Variants in AOPEP observed in about 807,000 individuals in gnomAD.
AOPEP encodes the protein aminopeptidase O.
In AOPEP, 77 loss-of-function variants were observed where a neutral mutation model predicts 98.1. That is an observed-to-expected ratio of 0.78 (90% CI 0.65 to 0.95). AOPEP has a LOEUF of 0.95. Ranked by LOEUF, AOPEP falls within the 40% of genes least tolerant of loss-of-function variation. The pLI is 0.00. For synonymous variants in AOPEP, 346 were observed against 365.3 expected, an observed-to-expected ratio of 0.95 and a Z score of 0.60; for missense variants, 1,024 against 1,024.7, an observed-to-expected ratio of 1.00 and a Z score of 0.01.
chr9:94,749,458 G>T (rs1029814984), intron 1 of AOPEP, among the ~76,000 whole-genome samples: 1 of 152,146 alleles, frequency 6.6e-6, no homozygotes, highest in South Asian at 2.1e-4. Context: ...TGCCAGTTGT[G>T]CTCACTGCTT....
intron 13 of AOPEP, among the ~76,000 whole-genome samples, chr9:95,018,486 C>G (rs1303678443): frequency 1.3e-5 from 2 of 152,204 alleles, no homozygotes; most frequent in Non-Finnish European, 2.9e-5. Context: ...CCGAGATTCC[C>G]AAATGAGTCA....
chr9:94,788,579 G>A (rs2133351399), intron 3 of AOPEP, among the ~76,000 whole-genome samples: 1 of 151,944 alleles, frequency 6.6e-6, no homozygotes, highest in African/African-American at 2.4e-5. Context: ...TTGCATGCAA[G>A]CATTCAGGAG....
intron 16 of AOPEP, chr9:95,083,050 G>C (rs2070029470): frequency 4.2e-6 from 1 of 239,652 alleles, no homozygotes; most frequent in Non-Finnish European, 8.1e-6. Flanking sequence ...TCTTGAGTAG[G>C]TTTAGAGATG....
chr9:94,772,922 C>G (rs1330488111), intron 2 of AOPEP, 80 bp from the exon 3 acceptor site: 2 of 1,321,948 alleles, frequency 1.5e-6, no homozygotes, highest in Non-Finnish European at 2.1e-6. Context: ...TCAACTTAAC[C>G]TGCACTACCA....
rs888721763 is a variant in AOPEP, at chr9:95,084,434, C to T, written c.*4+1715C>T. On this transcript the variant is annotated intron_variant, in intron 16 of 16. Transcript: ENST00000375315. ...AGCGAAACGCCTGCTGCAGACTTGA[C>T]GCGGCTCCCCTCCAGGACGGGCTGG... 4.6e-5 allele frequency among the ~76,000 whole-genome samples: 7 copies of T among 152,342 alleles called. 1 individual carries two copies. The highest frequency in any genetic ancestry group is 4.4e-5 in the Non-Finnish European group (3 of 68,026).
At chr9:94,901,042 A>C (rs1462196839) in intron 5 of AOPEP, 1 of 152,128 alleles carries the variant, frequency 6.6e-6, no homozygotes, top group Admixed American at 6.5e-5. Context: ...GGTGGTTGCC[A>C]TTTGGCTTTT....
At chr9:94,873,614 T>G (rs2046588348) in intron 5 of AOPEP, among the ~76,000 whole-genome samples, 2 of 152,240 alleles carry the variant, frequency 1.3e-5, no homozygotes, top group Admixed American at 1.3e-4. Context: ...TCTGGTTTAT[T>G]CATGAGAAAT....
intron 3 of AOPEP, among the ~76,000 whole-genome samples, chr9:94,792,520 C>T (rs1000178992): frequency 4.6e-5 from 7 of 152,100 alleles, no homozygotes; most frequent in Non-Finnish European, 8.8e-5. Flanking sequence ...ACCACCCTCA[C>T]GTGAAGGGCT....
chr9:95,062,250 G>A (rs2067377663), intron 14 of AOPEP, among the ~76,000 whole-genome samples: 2 of 54,672 alleles, frequency 3.7e-5, no homozygotes, highest in African/African-American at 7.2e-5. Context: ...GGCTAACGGG[G>A]CAGATCTCTA....
Position 95,086,317 on chromosome 9 carries a change from G to A in AOPEP, c.*5-365G>A, listed in dbSNP as rs985477292. 6 of 985,348 alleles carry A rather than the reference G, an allele frequency of 6.1e-6. No individual in the cohort carries two copies. The African/African-American group carries it at 1.0e-4, about 17-fold the overall frequency. 61.0% of individuals were successfully genotyped at this position (985,348 alleles called of 1,614,324 possible). The stretch of plus-strand genomic sequence containing the variant: ...CCCAGGCCTGAAGGCAGGACACAGT[G>A]CCAGCAGGGGGCCGTTTGCCCCCAT... On this transcript the variant is annotated intron_variant, in intron 16 of 16. Transcript: ENST00000375315.
chr9:94,967,658 G>A, intron 9 of AOPEP, 100 bp from the exon 10 acceptor site: 2 of 902,386 alleles, frequency 2.2e-6, no homozygotes, highest in South Asian at 2.7e-5. Context: ...TCTCAAGCAG[G>A]TGAGCTGTCA....
intron 5 of AOPEP, among the ~76,000 whole-genome samples, chr9:94,915,904 A>G (rs2052728039): frequency 6.6e-6 from 1 of 152,196 alleles, no homozygotes; most frequent in South Asian, 2.1e-4. Flanking sequence ...GGAACATGGG[A>G]AGATTTGATT....
At chr9:95,006,939 T>C (rs1233393369) in intron 13 of AOPEP, among the ~76,000 whole-genome samples, 1 of 148,332 alleles carries the variant, frequency 6.7e-6, no homozygotes, top group Non-Finnish European at 1.5e-5. Context: ...TCTTGCTCTG[T>C]CACCCAGGCT....
chr9:94,966,055 G>A (rs2059177975), intron 9 of AOPEP, among the ~76,000 whole-genome samples: 2 of 147,184 alleles, frequency 1.4e-5, no homozygotes, highest in Admixed American at 1.3e-4. Context: ...TGGTTCTATT[G>A]GGAGGCTTCA....
chr9:95,111,855 G>T, the AOPEP span, among the ~76,000 whole-genome samples: 1 of 152,186 alleles, frequency 6.6e-6, no homozygotes, highest in Non-Finnish European at 1.5e-5. Context: ...ACCCCCGTGA[G>T]GCCTGAGGCC....
downstream of AOPEP, among the ~76,000 whole-genome samples, chr9:95,091,894 G>A (rs967089216): frequency 1.3e-5 from 2 of 152,188 alleles, no homozygotes; most frequent in Non-Finnish European, 2.9e-5. Context: ...AGCCCCCATG[G>A]GAGGCCCAGC....
At position 95,007,342 on chromosome 9, in the gene AOPEP, C is replaced by G. The variant is rs558909163; in HGVS notation, c.2115+1726C>G. ...TAGAAGTAACCGTATTTGTGACACCCATGACCTGACTACTGGGTCTCCTGA... is the reference window on the plus strand; with the variant it reads ...TAGAAGTAACCGTATTTGTGACACCGATGACCTGACTACTGGGTCTCCTGA... On this transcript the variant is annotated intron_variant, in intron 13 of 16. Transcript: ENST00000375315. Among the ~76,000 whole-genome samples the G allele has an allele frequency of 8.1e-4, 123 of 151,552 alleles. 2 individuals are homozygous for G. The South Asian group carries it at 0.024, about 30-fold the overall frequency.
intron 13 of AOPEP, 67 bp from the exon 14 acceptor site, chr9:95,060,627 G>A (rs199962993): frequency 6.6e-5 from 69 of 1,047,292 alleles, no homozygotes; most frequent in Admixed American, 3.4e-5. Context: ...TCTTCAGTCT[G>A]AACATTTGGG....
intron 5 of AOPEP, among the ~76,000 whole-genome samples, chr9:94,902,056 C>G (rs578035152): frequency 6.6e-6 from 1 of 152,312 alleles, no homozygotes; most frequent in Non-Finnish European, 1.5e-5. Context: ...GCCCAGGTGT[C>G]TAGACCAGGA....
Sources: gnomAD v4.1 joint callset for allele counts (sites outside exome capture counted in the v4.1 genomes callset) on GRCh38, gnomAD v4.1.1 for gene constraint, MANE v1.5 for transcripts, NCBI Gene and HGNC (gene_info 2026-07-23, HGNC 2026-07-21) for gene names.